The following C1S variants were observed in gnomAD, a reference collection of about 807,000 sequenced individuals.
C1S encodes complement C1s subcomponent.
A neutral mutation model predicts 54.0 loss-of-function variants in C1S; 31 were observed. The observed-to-expected ratio is 0.57, with a 90% CI of 0.43 to 0.78. C1S has a LOEUF of 0.78. C1S is among the 30% of genes least tolerant of loss of function. The pLI is 0.00. For synonymous variants in C1S, 292 were observed against 303.6 expected, an observed-to-expected ratio of 0.96 and a Z score of 0.40; for missense variants, 727 against 851.8, an observed-to-expected ratio of 0.85 and a Z score of 1.82.
chr12:7,062,720 T>A (rs781936363), intron 3 of C1S, 38 bp downstream of exon 3: 1 of 1,589,122 alleles, frequency 6.3e-7, no homozygotes, highest in South Asian at 1.1e-5. Flanking sequence ...GATGGAAGAC[T>A]AGGGCTAAGG....
rs201428783 is a variant in C1S at position 7,061,905 on chromosome 12, C to T, written c.-8C>T. 1.3e-4 allele frequency: 208 copies of T among 1,613,886 alleles called. 1 individual carries two copies. In the East Asian group the frequency reaches 4.1e-3, roughly 31 times the overall value. On this transcript the variant is annotated 5_prime_UTR_variant, in exon 2 of 12. Transcript: ENST00000360817. Reference sequence around the variant, plus strand: ...AGGCAGCTCACCAGGGTGGACAAATCGCCAGAGATGTGGTAAGTGATCAAG... The same window carrying T: ...AGGCAGCTCACCAGGGTGGACAAATTGCCAGAGATGTGGTAAGTGATCAAG...
rs1275453736 is a variant in C1S at position 7,062,797 on chromosome 12, G to A, written c.214-93G>A. 7.3e-6 allele frequency: 11 copies of A among 1,511,258 alleles called. No homozygotes were observed. The Admixed American group carries it at 1.5e-4, about 21-fold the overall frequency. The allele number at this position is 1,511,258 out of a possible 1,614,324, so 93.6% of individuals were successfully genotyped here. A position where few individuals can be genotyped will look rare whatever the true frequency, so the allele number is the denominator to read the frequency against. On this transcript the variant is annotated intron_variant, in intron 3 of 11. Transcript: ENST00000360817. Reference sequence around the variant, plus strand: ...CAGTGAACTGGAGTCAAGTCCTAGTGGCATAAATGTTCTATTCTCTCTGTC... The same window carrying A: ...CAGTGAACTGGAGTCAAGTCCTAGTAGCATAAATGTTCTATTCTCTCTGTC...
At position 7,062,935 on chromosome 12, in the gene C1S, A is replaced by T. The variant is rs782633527; in HGVS notation, c.259A>T (p.Ser87Cys). 5.0e-6 allele frequency: 8 copies of T among 1,614,072 alleles called. No homozygotes were observed. The East Asian group carries it at 1.8e-4, about 36-fold the overall frequency. Residue 87 changes from serine (S) to cysteine (C), a missense_variant, in exon 4 of 12, where the codon AGC becomes TGC. Physicochemically the swap from Ser to Cys is moderately radical, Grantham distance 112. Around this residue, in one of 3 missense-constraint regions of C1S, gnomAD observed 357 missense variants for 365.4 expected, o/e 0.98. Coordinates refer to ENST00000360817, the MANE Select transcript of C1S (RefSeq NM_001734.5). ...TEEGRLCGQR[S>C]SNNPHSPIVE... The stretch of plus-strand genomic sequence containing the variant: ...AGAAGGGAGGCTCTGTGGACAGAGG[A>T]GCAGTAACAATCCCCACTCTCCAAT...
chr12:7,065,562 G>A, intron 6 of C1S: 1 of 610,422 alleles, frequency 1.6e-6, no homozygotes, highest in Non-Finnish European at 2.9e-6. Flanking sequence ...CAGAGATGGG[G>A]TTTTGCTATG....
chr12:7,066,033 A>G, intron 7 of C1S, 63 bp downstream of exon 7: 1 of 1,455,114 alleles, frequency 6.9e-7, no homozygotes, highest in Non-Finnish European at 9.7e-7. Context: ...ATGTGGGATC[A>G]AAGCAGGTAG....
chr12:7,061,525 A>T, intron 1 of C1S: 1 of 357,942 alleles, frequency 2.8e-6, no homozygotes, highest in Non-Finnish European at 5.4e-6. Flanking sequence ...AGAGACTGAT[A>T]CCGCGGGGGT....
intron 8 of C1S, 47 bp downstream of exon 8, chr12:7,066,680 G>T (rs140604584): frequency 2.6e-5 from 29 of 1,124,562 alleles, no homozygotes; most frequent in African/African-American, 2.4e-4. Flanking sequence ...CCCAGATCAG[G>T]ATGAGCGGAC....
intron 7 of C1S, chr12:7,066,266 A>G (rs781930173): frequency 1.1e-5 from 7 of 613,678 alleles, no homozygotes; most frequent in Non-Finnish European, 2.0e-5. Flanking sequence ...AGGAAAATCT[A>G]AACCAGTCAA....
chr12:7,067,248 C>A (rs1305220835), intron 9 of C1S, 131 bp downstream of exon 9: 2 of 739,424 alleles, frequency 2.7e-6, no homozygotes, highest in South Asian at 1.5e-5. Context: ...TGAAGGGAAG[C>A]CAGTCATGGA....
intron 9 of C1S, 55 bp from the exon 10 acceptor site, chr12:7,067,588 C>A (rs781990909): frequency 1.2e-6 from 2 of 1,608,326 alleles, no homozygotes; most frequent in Non-Finnish European, 1.7e-6. Flanking sequence ...CCCCATGACT[C>A]TTCCTTGGAG....
chr12:7,062,286 A>AAG, intron 2 of C1S, 189 bp from the exon 3 acceptor site: 1 of 563,168 alleles, frequency 1.8e-6, no homozygotes. Flanking sequence ...AAAAAAAAAA[A>AAG]GGGCTCTTGT....
intron 9 of C1S, chr12:7,067,373 G>A: frequency 1.6e-6 from 1 of 627,440 alleles, no homozygotes; most frequent in African/African-American, 1.8e-5. Flanking sequence ...GGGTGCATTT[G>A]TGGCTTCCAC....
intron 3 of C1S, 35 bp downstream of exon 3, chr12:7,062,717 G>A: frequency 6.3e-7 from 1 of 1,593,100 alleles, no homozygotes; most frequent in Non-Finnish European, 8.6e-7. Flanking sequence ...AGAGATGGAA[G>A]ACTAGGGCTA....
At chr12:7,067,376 G>C in intron 9 of C1S, 1 of 627,994 alleles carries the variant, frequency 1.6e-6, no homozygotes. Flanking sequence ...TGCATTTGTG[G>C]CTTCCACTGG....
chr12:7,065,779 T>A, intron 6 of C1S, 38 bp from the exon 7 acceptor site: 1 of 1,596,598 alleles, frequency 6.3e-7, no homozygotes, highest in Non-Finnish European at 8.6e-7. Context: ...CTCTTCCCTT[T>A]AGTTCTTTCC....
chr12:7,063,019 T>C lies in C1S; in HGVS notation c.343T>C (p.Ser115Pro). 6.2e-7 allele frequency: 1 copy of C among 1,614,142 alleles called. No individual in the cohort carries two copies. Among genetic ancestry groups the C allele is most frequent in the Non-Finnish European group, 8.5e-7 (1 of 1,180,030 alleles). Reference sequence around the variant, plus strand: ...CCAGGTGATCTTTAAGTCAGACTTTTCCAATGAAGAGCGTTTTACGGGGTT... The same window carrying C: ...CCAGGTGATCTTTAAGTCAGACTTTCCCAATGAAGAGCGTTTTACGGGGTT... Reference protein sequence around the residue: ...KLQVIFKSDFSNEERFTGFAA... With the variant: ...KLQVIFKSDFPNEERFTGFAA... The change falls in exon 4 of 12, where the codon TCC becomes CCC. Residue 115 changes from serine (S) to proline (P), a missense_variant. Coordinates refer to ENST00000360817, the MANE Select transcript of C1S (RefSeq NM_001734.5).
At chr12:7,069,075 G>A (rs1345355857) in intron 11 of C1S, among the ~76,000 whole-genome samples, 1 of 152,188 alleles carries the variant, frequency 6.6e-6, no homozygotes, top group Admixed American at 6.5e-5. Context: ...TGTGAGCTAG[G>A]TGTCATTGGT....
chr12:7,067,925 C>T (rs1329154020), intron 10 of C1S, 154 bp downstream of exon 10: 3 of 834,302 alleles, frequency 3.6e-6, no homozygotes, highest in Non-Finnish European at 5.9e-6. Flanking sequence ...ATACAGTTTT[C>T]ATCTGGAGCA....
intron 3 of C1S, 45 bp downstream of exon 3, chr12:7,062,727 A>G: frequency 6.3e-7 from 1 of 1,578,600 alleles, no homozygotes; most frequent in South Asian, 1.1e-5. Flanking sequence ...GACTAGGGCT[A>G]AGGTAGCGGA....
Sources: allele counts gnomAD v4.1 joint callset (sites outside exome capture counted in the v4.1 genomes callset), GRCh38; gene constraint gnomAD v4.1.1; regional missense constraint gnomAD v4.1.1; transcripts MANE v1.5; gene names NCBI Gene and HGNC (gene_info 2026-07-23, HGNC 2026-07-21).